The following CADPS2 variants were observed in gnomAD, a reference collection of about 807,000 sequenced individuals.
The protein encoded by CADPS2 is calcium-dependent secretion activator 2.
Under a neutral mutation model 172.5 loss-of-function variants are expected in CADPS2, and 93 were observed. The observed-to-expected ratio is 0.54, with a 90% CI of 0.46 to 0.64. The LOEUF (loss-of-function observed/expected upper bound fraction) is 0.64, where lower values mean the gene tolerates loss of function less well. Ranked by LOEUF, CADPS2 falls within the 30% of genes least tolerant of loss-of-function variation. The pLI is 0.00. For synonymous variants in CADPS2, 546 were observed against 555.2 expected (o/e 0.98, Z 0.23); for missense variants, 1,420 against 1,565.9 (o/e 0.91, Z 1.57).
chr7:122,760,968 TA>T (rs931719299), intron 1 of CADPS2, among the ~76,000 whole-genome samples: 2 of 151,788 alleles, frequency 1.3e-5, no homozygotes, highest in Non-Finnish European at 2.9e-5. Context: ...ATGATAATAA[TA>T]AAAAAAAGAA....
chr7:122,797,418 T>C (rs75774073), intron 1 of CADPS2, among the ~76,000 whole-genome samples: 2,496 of 152,226 alleles, frequency 0.016, 67 homozygotes, highest in African/African-American at 0.057. Flanking sequence ...TGCAGCACTA[T>C]TCACAATAAC....
chr7:122,718,504 G>C (rs1312155663), intron 2 of CADPS2, among the ~76,000 whole-genome samples: 5 of 152,074 alleles, frequency 3.3e-5, no homozygotes, highest in Non-Finnish European at 5.9e-5. Context: ...AGATAGTTAA[G>C]GGTAGCCATG....
At chr7:122,685,533 C>G (rs1371172194) in intron 2 of CADPS2, among the ~76,000 whole-genome samples, 1 of 152,178 alleles carries the variant, frequency 6.6e-6, no homozygotes, top group South Asian at 2.1e-4. Flanking sequence ...TGCACAGGTT[C>G]TAGATTAAGG....
At chr7:122,358,844 T>C (rs1044547303) in intron 27 of CADPS2, among the ~76,000 whole-genome samples, 1 of 152,120 alleles carries the variant, frequency 6.6e-6, no homozygotes, top group African/African-American at 2.4e-5. Flanking sequence ...ACCACATCTA[T>C]GGTATAGTAT....
chr7:122,396,474 T>C (rs879622951), intron 20 of CADPS2, among the ~76,000 whole-genome samples: 2 of 152,196 alleles, frequency 1.3e-5, no homozygotes, highest in Non-Finnish European at 2.9e-5. Flanking sequence ...TGCTGAAATA[T>C]GAAACTAAGA....
At chr7:122,581,152 T>C in intron 7 of CADPS2, 27 bp downstream of exon 7, 1 of 1,556,310 alleles carries the variant, frequency 6.4e-7, no homozygotes, top group African/African-American at 1.4e-5. Context: ...TGTTCTACCC[T>C]GGACACACAG....
At position 122,319,216 on chromosome 7, in the gene CADPS2, G is replaced by A. The variant is rs1401813130; in HGVS notation, c.*949C>T. 1 of 151,934 alleles carries A rather than the reference G, an allele frequency of 6.6e-6. No individual in the cohort carries two copies. The highest frequency in any genetic ancestry group is 1.5e-5 in the Non-Finnish European group (1 of 67,988). 9.4% of individuals were successfully genotyped at this position (151,934 alleles called of 1,614,324 possible). A position where few individuals can be genotyped will look rare whatever the true frequency, so the allele number is the denominator to read the frequency against. ...TTTTAACAATGTATGTGCCTATTAG[G>A]TACAAAGAACAGTCAGTGTTACTAT... On this transcript the variant is annotated 3_prime_UTR_variant, in exon 30 of 30. Transcript: ENST00000449022.
At chr7:122,536,614 G>C (rs924358580) in intron 8 of CADPS2, among the ~76,000 whole-genome samples, 6 of 152,122 alleles carry the variant, frequency 3.9e-5, no homozygotes, top group Non-Finnish European at 8.8e-5. Flanking sequence ...TTACTGATGA[G>C]GGTCAGTAAC....
intron 14 of CADPS2, among the ~76,000 whole-genome samples, chr7:122,452,332 T>TA (rs1326473834): frequency 6.6e-6 from 1 of 152,218 alleles, no homozygotes; most frequent in Non-Finnish European, 1.5e-5. Context: ...TTATATATTT[T>TA]AATAACAAAA....
intron 14 of CADPS2, among the ~76,000 whole-genome samples, chr7:122,456,765 T>G (rs1341407430): frequency 6.6e-6 from 1 of 152,304 alleles, no homozygotes; most frequent in African/African-American, 2.4e-5. Context: ...GCAAGCTGCA[T>G]ACACACGTGT....
intron 1 of CADPS2, among the ~76,000 whole-genome samples, chr7:122,826,966 C>A (rs1051820267): frequency 6.6e-6 from 1 of 151,782 alleles, no homozygotes; most frequent in African/African-American, 2.4e-5. Context: ...AATAGGAAAA[C>A]AACAAAGGAA....
In CADPS2 at chr7:122,718,585, C is replaced by T. The variant is rs968024108; in HGVS notation, c.453+18370G>A. 5.3e-5 allele frequency among the ~76,000 whole-genome samples: 8 copies of T among 152,158 alleles called. No individual in the cohort carries two copies. The South Asian group carries it at 6.2e-4, about 12-fold the overall frequency. On this transcript the variant is annotated intron_variant, in intron 2 of 29. Coordinates refer to ENST00000449022, the MANE Select transcript of CADPS2 (RefSeq NM_017954.11). ...TATTCAGTACCCACAGGTTTTTCTC[C>T]GTTGTTAACAGTCTAGTGAGTGTAA... is the stretch of plus-strand genomic sequence containing the variant.
chr7:122,482,183 A>C (rs2057377715), intron 11 of CADPS2, among the ~76,000 whole-genome samples: 2 of 152,160 alleles, frequency 1.3e-5, no homozygotes, highest in South Asian at 4.1e-4. Flanking sequence ...AAATATGGGA[A>C]CACAAGTGAA....
intron 2 of CADPS2, among the ~76,000 whole-genome samples, chr7:122,724,402 G>A (rs1457577400): frequency 2.0e-5 from 3 of 151,886 alleles, no homozygotes; most frequent in African/African-American, 7.2e-5. Flanking sequence ...ATAAGCCATG[G>A]TATCCTGCTC....
intron 1 of CADPS2, among the ~76,000 whole-genome samples, chr7:122,872,448 T>C (rs1585068849): frequency 2.0e-5 from 3 of 152,154 alleles, no homozygotes. Flanking sequence ...CAAAACACAG[T>C]GGACCTAAAG....
chr7:122,477,571 C>G (rs187312478), intron 12 of CADPS2, among the ~76,000 whole-genome samples: 54 of 118,652 alleles, frequency 4.6e-4, no homozygotes, highest in African/African-American at 1.5e-3. Context: ...AAACAAAAAA[C>G]CAAAAACTGT....
At chr7:122,775,237 T>TA (rs768395518) in intron 1 of CADPS2, among the ~76,000 whole-genome samples, 2 of 152,214 alleles carry the variant, frequency 1.3e-5, no homozygotes, top group Non-Finnish European at 2.9e-5. Context: ...ACTAAAGTCT[T>TA]AGACTATTTG....
intron 1 of CADPS2, among the ~76,000 whole-genome samples, chr7:122,832,511 C>T (rs778385746): frequency 1.3e-5 from 2 of 152,116 alleles, no homozygotes; most frequent in Non-Finnish European, 2.9e-5. Flanking sequence ...CGCATATTTC[C>T]CTGGGTCTAG....
At chr7:122,867,383 G>C (rs976821323) in intron 1 of CADPS2, among the ~76,000 whole-genome samples, 1 of 152,162 alleles carries the variant, frequency 6.6e-6, no homozygotes, top group Non-Finnish European at 1.5e-5. Flanking sequence ...GACAACTGAG[G>C]AAATACCCTT....
Sources: gnomAD v4.1 joint callset for allele counts (sites outside exome capture counted in the v4.1 genomes callset) on GRCh38, gnomAD v4.1.1 for gene constraint, MANE v1.5 for transcripts, NCBI Gene and HGNC (gene_info 2026-07-23, HGNC 2026-07-21) for gene names.